The following PRRG4 variants were observed in gnomAD, a reference collection of about 807,000 sequenced individuals.
The protein encoded by PRRG4 is proline rich and Gla domain 4, also known as transmembrane gamma-carboxyglutamic acid protein 4.
A neutral mutation model predicts 20.0 loss-of-function variants in PRRG4; 12 were observed. The observed-to-expected ratio is 0.60, with a 90% confidence interval of 0.38 to 0.97. The LOEUF is 0.97. Among genes scored for constraint, PRRG4 ranks in the 50% least tolerant of loss-of-function variants. The pLI is 0.00. For missense variants in PRRG4, 199 were observed against 265.1 expected (o/e 0.75, Z 1.73); for synonymous variants, 94 against 96.4 (o/e 0.98, Z 0.15).
At chr11:32,845,127 C>T (rs1014206261) in intron 5 of PRRG4, among the ~76,000 whole-genome samples, 1 of 152,130 alleles carries the variant, frequency 6.6e-6, no homozygotes. Flanking sequence ...AAAAAAATCT[C>T]CCTTAGCTGT....
rs1164142710 is a variant in PRRG4 at position 32,855,977 on chromosome 11, C to T, written c.*2450C>T. 1.3e-5 allele frequency: 2 copies of T among 152,168 alleles called. No homozygotes were observed. Among genetic ancestry groups the T allele is most frequent in the South Asian group, 2.1e-4 (1 of 4,826 alleles). 9.4% of individuals were successfully genotyped at this position (152,168 alleles called of 1,614,324 possible). ...CCCATGTCATGCCTATAAAATTACA[C>T]TGCCTCGAATTATGAAATTCAGGGA... On this transcript the variant is annotated 3_prime_UTR_variant, in exon 6 of 6. Coordinates refer to ENST00000257836, the MANE Select transcript of PRRG4 (RefSeq NM_024081.6).
At chr11:32,839,069 G>A (rs138945007) in intron 4 of PRRG4, 139 bp downstream of exon 4, 92 of 615,730 alleles carry the variant, frequency 1.5e-4, no homozygotes, top group African/African-American at 1.4e-3. Flanking sequence ...ACTATGCACC[G>A]GGCTATCTCA....
chr11:32,854,551 C>CCAT lies in PRRG4; in HGVS notation c.*1026_*1028dup, dbSNP rs1390113983. On this transcript the variant is annotated 3_prime_UTR_variant, in exon 6 of 6. Transcript: ENST00000257836. The stretch of plus-strand genomic sequence containing the variant: ...CCAACCTGGGCGACAGAGTGAGACT[C>CCAT]CATCTCAAAAAAAAAAAAAAAAAAA... 2 of 124,320 alleles carry CCAT rather than the reference C, an allele frequency of 1.6e-5. No homozygotes were observed. Among genetic ancestry groups the CCAT allele is most frequent in the African/African-American group, 6.3e-5 (2 of 31,778 alleles). 7.7% of individuals were successfully genotyped at this position (124,320 alleles called of 1,614,324 possible).
chr11:32,830,163 G>A lies in PRRG4; in HGVS notation c.-33G>A, dbSNP rs560327779. 3 of 1,025,014 alleles carry A rather than the reference G, an allele frequency of 2.9e-6. No individual in the cohort carries two copies. Among genetic ancestry groups the A allele is most frequent in the South Asian group, 4.6e-5 (1 of 21,920 alleles). The allele number at this position is 1,025,014 out of a possible 1,614,324, so 63.5% of individuals were successfully genotyped here. On this transcript the variant is annotated 5_prime_UTR_variant, in exon 1 of 6. Coordinates refer to ENST00000257836, the MANE Select transcript of PRRG4 (RefSeq NM_024081.6). ...CCCGGGGGCTGCTGGAACATGTGCG[G>A]GGGGACACAGGTACGAGGCCTGGCG...
intron 2 of PRRG4, among the ~76,000 whole-genome samples, chr11:32,832,076 C>T (rs1487791648): frequency 6.6e-6 from 1 of 152,130 alleles, no homozygotes; most frequent in Non-Finnish European, 1.5e-5. Flanking sequence ...ATTTAGAGAT[C>T]ATACTTGAGT....
At chr11:32,848,712 C>G (rs1455445052) in intron 5 of PRRG4, among the ~76,000 whole-genome samples, 1 of 152,004 alleles carries the variant, frequency 6.6e-6, no homozygotes, top group Non-Finnish European at 1.5e-5. Context: ...TGGCTCATGC[C>G]TGTAATCCCA....
At chr11:32,834,096 TG>T (rs1356337872) in intron 2 of PRRG4, among the ~76,000 whole-genome samples, 2 of 152,144 alleles carry the variant, frequency 1.3e-5, no homozygotes, top group African/African-American at 4.8e-5. Context: ...GGTAAGGGCT[TG>T]GGGACCAGAC....
intron 5 of PRRG4, among the ~76,000 whole-genome samples, chr11:32,849,435 C>T (rs1254075282): frequency 1.3e-5 from 2 of 151,980 alleles, no homozygotes; most frequent in East Asian, 1.9e-4. Flanking sequence ...GAGGCCGAGA[C>T]GGGCAGATCA....
At chr11:32,830,669 T>G (rs748028335) in intron 2 of PRRG4, 37 bp downstream of exon 2, 1 of 1,613,558 alleles carries the variant, frequency 6.2e-7, no homozygotes, top group Non-Finnish European at 8.5e-7. Context: ...CAGAGCCGCA[T>G]AGCACAGATC....
At chr11:32,848,371 G>C (rs1356944137) in intron 5 of PRRG4, among the ~76,000 whole-genome samples, 2 of 152,086 alleles carry the variant, frequency 1.3e-5, no homozygotes, top group Non-Finnish European at 2.9e-5. Flanking sequence ...TTCAACATGA[G>C]TTTTGAGCGG....
At position 32,838,866 on chromosome 11, in the gene PRRG4, T is replaced by C; in HGVS notation, c.268-16T>C. ...AAAGATATTGAATAAACTTGGGAAT[T>C]TTACCTTTTTTTTAGATTGCATTTT... On this transcript the variant is annotated splice_polypyrimidine_tract_variant and intron_variant, in intron 3 of 5. Transcript: ENST00000257836. The C allele has an allele frequency of 6.3e-7, 1 of 1,595,790 alleles. No individual in the cohort carries two copies. The highest frequency in any genetic ancestry group is 1.1e-5 in the South Asian group (1 of 90,588).
intron 2 of PRRG4, among the ~76,000 whole-genome samples, chr11:32,831,282 C>T (rs1475412100): frequency 6.6e-6 from 1 of 152,114 alleles, no homozygotes; most frequent in African/African-American, 2.4e-5. Flanking sequence ...AAAAAAAAGC[C>T]TCTGTCTCTC....
chr11:32,842,291 T>C (rs751706766), intron 5 of PRRG4, among the ~76,000 whole-genome samples: 2 of 152,214 alleles, frequency 1.3e-5, no homozygotes, highest in Non-Finnish European at 2.9e-5. Context: ...TCTTTCCTCA[T>C]CTAAAAGAGG....
In PRRG4 at chr11:32,853,579, TG is replaced by T; in HGVS notation, c.*54del. 2.1e-6 allele frequency: 3 copies of T among 1,408,262 alleles called. No homozygotes were observed. The highest frequency in any genetic ancestry group is 3.0e-6 in the Non-Finnish European group (3 of 1,008,186). 87.2% of individuals were successfully genotyped at this position (1,408,262 alleles called of 1,614,324 possible). A position where few individuals can be genotyped will look rare whatever the true frequency, so the allele number is the denominator to read the frequency against. On this transcript the variant is annotated 3_prime_UTR_variant, in exon 6 of 6. Transcript: ENST00000257836. ...TTTGTGTTATTTGATAGGCCGGGCA[TG>T]GTGGCTCATGCCTGTAATCCCAGCA... is the stretch of plus-strand genomic sequence containing the variant.
At position 32,855,874 on chromosome 11, in the gene PRRG4, G is replaced by T. The variant is rs928613547; in HGVS notation, c.*2347G>T. 9.9e-5 allele frequency: 15 copies of T among 152,114 alleles called. No individual in the cohort carries two copies. Among genetic ancestry groups the T allele is most frequent in the African/African-American group, 3.6e-4 (15 of 41,408 alleles). 9.4% of individuals were successfully genotyped at this position (152,114 alleles called of 1,614,324 possible). A position where few individuals can be genotyped will look rare whatever the true frequency, so the allele number is the denominator to read the frequency against. ...TCTACTTTGCCATAATCACACTAAG[G>T]CATGGAAGAACAACTTGCCCAGAAT... On this transcript the variant is annotated 3_prime_UTR_variant, in exon 6 of 6. Coordinates refer to ENST00000257836, the MANE Select transcript of PRRG4 (RefSeq NM_024081.6).
At chr11:32,837,507 AGATGAT>A (rs145836180) in intron 3 of PRRG4, among the ~76,000 whole-genome samples, 9,498 of 134,388 alleles carry the variant, frequency 0.071, 466 homozygotes, top group South Asian at 0.13. Context: ...TAACTAACTG[AGATGAT>A]GATGATGATG....
chr11:32,848,379 C>A (rs1281871192), intron 5 of PRRG4, among the ~76,000 whole-genome samples: 2 of 151,884 alleles, frequency 1.3e-5, no homozygotes. Context: ...GAGTTTTGAG[C>A]GGGGCAAAAA....
chr11:32,853,806 C>G lies in PRRG4; in HGVS notation c.*279C>G. ...TCACGCCACTGCATTCCAGCCTGGG[C>G]GACAGAGCAAGACTCCATCTCAAAA... On this transcript the variant is annotated 3_prime_UTR_variant, in exon 6 of 6. Transcript: ENST00000257836. 4 of 269,744 alleles carry G rather than the reference C, an allele frequency of 1.5e-5. No homozygotes were observed. Among genetic ancestry groups the G allele is most frequent in the Non-Finnish European group, 2.1e-5 (3 of 141,456 alleles). 16.7% of individuals were successfully genotyped at this position (269,744 alleles called of 1,614,324 possible).
intron 5 of PRRG4, among the ~76,000 whole-genome samples, chr11:32,850,812 G>A (rs1851176193): frequency 6.6e-6 from 1 of 152,220 alleles, no homozygotes; most frequent in Non-Finnish European, 1.5e-5. Context: ...GCTCACGCCT[G>A]TAATCCCAGC....
Sources: allele counts gnomAD v4.1 joint callset (sites outside exome capture counted in the v4.1 genomes callset), GRCh38; gene constraint gnomAD v4.1.1; transcripts MANE v1.5; gene names NCBI Gene and HGNC (gene_info 2026-07-23, HGNC 2026-07-21).